The following PRKN variants were observed in gnomAD, a reference collection of about 807,000 sequenced individuals.
PRKN encodes parkin RBR E3 ubiquitin protein ligase.
In PRKN, 56 loss-of-function variants were observed where a neutral mutation model predicts 59.5. The ratio of observed to expected loss-of-function variants is 0.94; its 90% CI spans 0.76 to 1.18. The LOEUF is 1.18. PRKN is among the 50% of genes most tolerant of loss of function. The pLI, the probability that PRKN is intolerant of heterozygous loss-of-function variation, is 0.00. For missense variants in PRKN, 657 were observed against 596.4 expected, an observed-to-expected ratio of 1.10 and a Z score of -1.06; for synonymous variants, 250 against 222.1, an observed-to-expected ratio of 1.13 and a Z score of -1.12.
intron 9 of PRKN, among the ~76,000 whole-genome samples, chr6:161,496,563 C>A (rs1243530665): frequency 6.6e-6 from 1 of 152,212 alleles, no homozygotes; most frequent in Non-Finnish European, 1.5e-5. Flanking sequence ...CTTTATAAAA[C>A]CATCAGATCT....
intron 10 of PRKN, among the ~76,000 whole-genome samples, chr6:161,365,648 T>C (rs932613345): frequency 3.3e-5 from 5 of 152,114 alleles, no homozygotes; most frequent in Non-Finnish European, 7.4e-5. Flanking sequence ...AAAATACCAA[T>C]TTTCTCTGAC....
intron 7 of PRKN, among the ~76,000 whole-genome samples, chr6:161,661,474 G>A (rs929602995): frequency 6.6e-6 from 1 of 151,888 alleles, no homozygotes; most frequent in Non-Finnish European, 1.5e-5. Flanking sequence ...ATGTACCACA[G>A]AGGCCTTCCC....
chr6:161,814,167 C>T (rs542396104), intron 6 of PRKN, among the ~76,000 whole-genome samples: 50 of 152,328 alleles, frequency 3.3e-4, no homozygotes, highest in African/African-American at 1.1e-3. Context: ...ACTGGCTACA[C>T]TGCTTTCTAC....
chr6:162,535,437 T>C (rs1373997994), intron 1 of PRKN, among the ~76,000 whole-genome samples: 2 of 152,096 alleles, frequency 1.3e-5, no homozygotes, highest in Non-Finnish European at 2.9e-5. Context: ...TACACACATA[T>C]ATAATGACCT....
Position 161,538,989 on chromosome 6 carries a change from G to A in PRKN, c.1083+9865C>T, listed in dbSNP as rs60060780. Among the ~76,000 whole-genome samples the A allele has an allele frequency of 0.24, 36,657 of 152,048 alleles. 4,972 individuals are homozygous for A. The highest frequency in any genetic ancestry group is 0.44 in the East Asian group (2,271 of 5,136). On this transcript the variant is annotated intron_variant, in intron 9 of 11. Coordinates refer to ENST00000366898, the MANE Select transcript of PRKN (RefSeq NM_004562.3). The surrounding 1 kb of genome is among the most constrained non-coding windows in gnomAD (Gnocchi z 4.2). Reference sequence around the variant, plus strand: ...CCTGTTTCGTGTGAAGAGTGAGGGCGTGCTGCTTCTTCATCATGCCATGAG... The same window carrying A: ...CCTGTTTCGTGTGAAGAGTGAGGGCATGCTGCTTCTTCATCATGCCATGAG...
chr6:161,675,653 T>C (rs1785060021), intron 7 of PRKN, among the ~76,000 whole-genome samples: 1 of 152,210 alleles, frequency 6.6e-6, no homozygotes, highest in Non-Finnish European at 1.5e-5. Flanking sequence ...CTATGCCGTT[T>C]TGTCTTTTTC....
chr6:161,360,065 T>C lies in PRKN; in HGVS notation c.1285+23A>G. 6.6e-7 allele frequency: 1 copy of C among 1,515,308 alleles called. No individual in the cohort carries two copies. Among genetic ancestry groups the C allele is most frequent in the Non-Finnish European group, 9.2e-7 (1 of 1,089,698 alleles). 93.9% of individuals were successfully genotyped at this position (1,515,308 alleles called of 1,614,324 possible). Reference sequence around the variant, plus strand: ...CCCCAAAGAGCACACGACATCCTCATTCTCTGCTCAGCACAGACTCACCAT... The same window carrying C: ...CCCCAAAGAGCACACGACATCCTCACTCTCTGCTCAGCACAGACTCACCAT... On this transcript the variant is annotated intron_variant, in intron 11 of 11. Coordinates refer to ENST00000366898, the MANE Select transcript of PRKN (RefSeq NM_004562.3). This position sits in a 1 kb window ranked among gnomAD's most constrained non-coding sequence, Gnocchi z 5.1.
rs2115426594 is a variant in PRKN, at chr6:161,548,930, C to A, written c.1007G>T (p.Gly336Val). The A allele has an allele frequency of 6.2e-7, 1 of 1,614,022 alleles. No individual in the cohort carries two copies. Among genetic ancestry groups the A allele is most frequent in the Non-Finnish European group, 8.5e-7 (1 of 1,179,856 alleles). Residue 336 changes from glycine (G) to valine (V), a missense_variant, in exon 9 of 12, where the codon GGC becomes GTC. By Grantham distance (109) the Gly-to-Val change is moderately radical. Coordinates refer to ENST00000366898, the MANE Select transcript of PRKN (RefSeq NM_004562.3). The surrounding 1 kb of genome is among the most constrained non-coding windows in gnomAD (Gnocchi z 4.2). ...CTCCGGCAGCAGCCCCGCTCCACAGCCAGGGCGGGGGCATAACACGCCCCC... is the reference window on the plus strand; with the variant it reads ...CTCCGGCAGCAGCCCCGCTCCACAGACAGGGCGGGGGCATAACACGCCCCC... ...QMGGVLCPRP[G>V]CGAGLLPEPD...
At chr6:161,542,511 G>T (rs1371731374) in intron 9 of PRKN, among the ~76,000 whole-genome samples, 7 of 152,178 alleles carry the variant, frequency 4.6e-5, no homozygotes, top group Non-Finnish European at 8.8e-5. Context: ...TTCCATCTTT[G>T]CACTTCAAGC....
At chr6:161,949,050 A>T (rs1000647105) in intron 6 of PRKN, among the ~76,000 whole-genome samples, 1 of 152,196 alleles carries the variant, frequency 6.6e-6, no homozygotes, top group African/African-American at 2.4e-5. Flanking sequence ...GGGAAGCCTG[A>T]TCAACACGTG....
chr6:161,804,378 T>A (rs929881631), intron 6 of PRKN, among the ~76,000 whole-genome samples: 9 of 152,120 alleles, frequency 5.9e-5, no homozygotes, highest in Admixed American at 5.2e-4. Flanking sequence ...CAGAACAGAA[T>A]CTTTGGGGCA....
chr6:161,441,157 C>T (rs143686102), intron 9 of PRKN, among the ~76,000 whole-genome samples: 131 of 152,248 alleles, frequency 8.6e-4, no homozygotes, highest in African/African-American at 3.0e-3. Flanking sequence ...CTGTGGCCAC[C>T]GCAGGAGGAG....
rs894330538 is a variant in PRKN at position 161,409,840 on chromosome 6, T to G, written c.1084-22963A>C. On this transcript the variant is annotated intron_variant, in intron 9 of 11. Coordinates refer to ENST00000366898, the MANE Select transcript of PRKN (RefSeq NM_004562.3). The surrounding 1 kb of genome is among the most constrained non-coding windows in gnomAD (Gnocchi z 4.6). ...CCCAAGGTTCTCAGCATTCCTCAGA[T>G]CAATAGAACTGTGATGTATCTATAT... Among the ~76,000 whole-genome samples the G allele has an allele frequency of 1.3e-5, 2 of 152,160 alleles. No individual in the cohort carries two copies. The highest frequency in any genetic ancestry group is 2.4e-5 in the African/African-American group (1 of 41,448).
chr6:162,020,922 G>C (rs913816476), intron 5 of PRKN, among the ~76,000 whole-genome samples: 4 of 151,476 alleles, frequency 2.6e-5, no homozygotes, highest in Non-Finnish European at 5.9e-5. Context: ...GGCCAACATG[G>C]TGAAACCTCA....
chr6:162,681,296 T>A (rs944556379), intron 1 of PRKN, among the ~76,000 whole-genome samples: 7 of 152,148 alleles, frequency 4.6e-5, no homozygotes, highest in African/African-American at 1.7e-4. Context: ...TGAAATCAAA[T>A]ATGACAGAAA....
chr6:162,115,542 C>A (rs1414576849), intron 4 of PRKN, among the ~76,000 whole-genome samples: 11 of 134,900 alleles, frequency 8.2e-5, no homozygotes, highest in Admixed American at 4.5e-4. Context: ...AAAAATTTGA[C>A]ATGTTTCCAA....
At chr6:161,420,759 C>G (rs4454114) in intron 9 of PRKN, among the ~76,000 whole-genome samples, 2 of 151,974 alleles carry the variant, frequency 1.3e-5, no homozygotes, top group East Asian at 3.9e-4. Context: ...ATTTCCCCCC[C>G]ACATCAGCCT....
chr6:161,991,300 G>C (rs1309899749), intron 5 of PRKN, among the ~76,000 whole-genome samples: 2 of 152,076 alleles, frequency 1.3e-5, no homozygotes, highest in Non-Finnish European at 2.9e-5. Context: ...ACACACAAAA[G>C]TGCAAAACTC....
Position 161,498,415 on chromosome 6 carries a change from C to T in PRKN, c.1083+50439G>A, listed in dbSNP as rs1001708933. Among the ~76,000 whole-genome samples the T allele has an allele frequency of 2.6e-5, 4 of 152,194 alleles. No homozygotes were observed. The highest frequency in any genetic ancestry group is 9.6e-5 in the African/African-American group (4 of 41,460). ...GAATTCAAGCCTCCTCCCAACACAC[C>T]ACATGACCCCGCCGTGCCAGCCATT... On this transcript the variant is annotated intron_variant, in intron 9 of 11. Transcript: ENST00000366898. This position sits in a 1 kb window ranked among gnomAD's most constrained non-coding sequence, Gnocchi z 4.2.
Sources: gnomAD v4.1 joint callset for allele counts (sites outside exome capture counted in the v4.1 genomes callset) on GRCh38, gnomAD v4.1.1 for gene constraint, Gnocchi (gnomAD v3.1) non-coding constraint, MANE v1.5 for transcripts, NCBI Gene and HGNC (gene_info 2026-07-23, HGNC 2026-07-21) for gene names.